Variants in CDK12 observed in about 807,000 individuals in gnomAD.
CDK12 encodes the protein cyclin-dependent kinase 12.
CDK12 carries 17 observed loss-of-function variants against 133.8 expected under a neutral mutation model. The observed-to-expected ratio is 0.13, with a 90% CI of 0.09 to 0.19. CDK12 has a LOEUF of 0.19. CDK12 is among the 10% of genes least tolerant of loss of function. CDK12 has a pLI of 1.00. For synonymous variants in CDK12, 694 were observed against 683.6 expected (o/e 1.02, Z -0.24); for missense variants, 1,508 against 1,818.7 (o/e 0.83, Z 3.11).
intron 2 of CDK12, among the ~76,000 whole-genome samples, chr17:39,483,567 AATC>A (rs2050888387): frequency 6.6e-6 from 1 of 152,034 alleles, no homozygotes; most frequent in Non-Finnish European, 1.5e-5. Flanking sequence ...CCTGGTCTGA[AATC>A]ATGTTTTAAA....
At chr17:39,499,655 G>A (rs1234984724) in intron 5 of CDK12, among the ~76,000 whole-genome samples, 4 of 151,286 alleles carry the variant, frequency 2.6e-5, no homozygotes, top group Admixed American at 1.3e-4. Context: ...AATTATAGGC[G>A]CCTGCTATCA....
intron 1 of CDK12, among the ~76,000 whole-genome samples, chr17:39,539,977 TTTGAG>T (rs2143701282): frequency 6.6e-6 from 1 of 152,234 alleles, no homozygotes; most frequent in African/African-American, 2.4e-5. Context: ...GAATGAGGAA[TTTGAG>T]TTGTTAAGCA....
At chr17:39,530,168 A>G (rs2054740702) in intron 13 of CDK12, 1 of 157,550 alleles carries the variant, frequency 6.3e-6, no homozygotes, top group African/African-American at 2.4e-5. Context: ...AAGTCCATGC[A>G]AGGTCTCTGT....
intron 6 of CDK12, among the ~76,000 whole-genome samples, chr17:39,508,191 G>A (rs1038304853): frequency 2.0e-5 from 3 of 152,048 alleles, no homozygotes; most frequent in East Asian, 1.9e-4. Context: ...TTCAGATTTT[G>A]CTTCAGACGG....
At chr17:39,486,043 C>T (rs950333196) in intron 2 of CDK12, among the ~76,000 whole-genome samples, 1 of 150,906 alleles carries the variant, frequency 6.6e-6, no homozygotes, top group South Asian at 2.1e-4. Flanking sequence ...ACCTCTGCCT[C>T]CTGGGTTGAA....
At chr17:39,493,025 T>G in intron 4 of CDK12, 135 bp downstream of exon 4, 9 of 753,476 alleles carry the variant, frequency 1.2e-5, no homozygotes. Context: ...TGAGATGGAG[T>G]CTTGCTCCCC....
At chr17:39,490,779 C>A (rs371884672) in intron 3 of CDK12, 46 bp downstream of exon 3, 2 of 1,402,002 alleles carry the variant, frequency 1.4e-6, no homozygotes. Context: ...TTTCTCCCTT[C>A]CTTTTGAACT....
At chr17:39,509,868 T>G in intron 7 of CDK12, 107 bp downstream of exon 7, 1 of 822,278 alleles carries the variant, frequency 1.2e-6, no homozygotes, top group South Asian at 1.5e-5. Flanking sequence ...TGGCTTGATC[T>G]CAGCTCGCTG....
At chr17:39,527,077 T>C (rs2054539690) in intron 13 of CDK12, among the ~76,000 whole-genome samples, 1 of 152,220 alleles carries the variant, frequency 6.6e-6, no homozygotes, top group Non-Finnish European at 1.5e-5. Context: ...TCTTTACTTA[T>C]GTAAAAATGT....
At chr17:39,496,748 C>T (rs2145969702) in intron 5 of CDK12, among the ~76,000 whole-genome samples, 1 of 151,972 alleles carries the variant, frequency 6.6e-6, no homozygotes. Context: ...GAGTATCTTT[C>T]TGCATAAATC....
At chr17:39,480,505 G>C (rs187169651) in intron 2 of CDK12, among the ~76,000 whole-genome samples, 2 of 151,838 alleles carry the variant, frequency 1.3e-5, no homozygotes, top group South Asian at 4.2e-4. Flanking sequence ...GCAATGGTGC[G>C]ATCTCAGCTC....
At position 39,533,914 on chromosome 17, in the gene CDK12, C is replaced by T. The variant is rs1189297408; in HGVS notation, c.*2598C>T. Reference sequence around the variant, plus strand: ...GAAGTAAAGGTTTGGCAGAATTTCACCTTGACTATTTGAAAATTACAGACC... The same window carrying T: ...GAAGTAAAGGTTTGGCAGAATTTCATCTTGACTATTTGAAAATTACAGACC... On this transcript the variant is annotated 3_prime_UTR_variant, in exon 14 of 14. Transcript: ENST00000447079. 8.6e-6 allele frequency: 2 copies of T among 231,886 alleles called. No homozygotes were observed. Among genetic ancestry groups the T allele is most frequent in the African/African-American group, 4.4e-5 (2 of 45,246 alleles). The allele number at this position is 231,886 out of a possible 1,614,324, so 14.4% of individuals were successfully genotyped here. A position where few individuals can be genotyped will look rare whatever the true frequency, so the allele number is the denominator to read the frequency against.
intron 2 of CDK12, among the ~76,000 whole-genome samples, chr17:39,481,619 TTGCTCGCTCGCGCG>T (rs1329697992): frequency 1.5e-5 from 2 of 129,524 alleles, no homozygotes; most frequent in African/African-American, 5.7e-5. Context: ...ACTTATGTGC[TTGCTCGCTCGCGCG>T]CTCTCTCTCT....
At chr17:39,463,781 C>G (rs763178569) in intron 1 of CDK12, among the ~76,000 whole-genome samples, 2 of 151,748 alleles carry the variant, frequency 1.3e-5, no homozygotes, top group Non-Finnish European at 2.9e-5. Flanking sequence ...TGACCGCTGA[C>G]AATTTTCAAA....
intron 3 of CDK12, among the ~76,000 whole-genome samples, chr17:39,560,319 G>C (rs2056329002): frequency 6.6e-6 from 1 of 152,160 alleles, no homozygotes; most frequent in Non-Finnish European, 1.5e-5. Flanking sequence ...TATATTACCA[G>C]GTTGCCCATC....
rs757500947 is a variant in CDK12 at position 39,462,162 on chromosome 17, A to G, written c.91A>G (p.Asn31Asp). The change falls in exon 1 of 14, where the codon AAC (asparagine) becomes GAC (aspartate). Residue 31 changes from asparagine to aspartate, a missense_variant. Asn to Asp is a conservative substitution (Grantham distance 23). Transcript: ENST00000447079. ...LQPSSGGGSS[N>D]SRERHRLVSK... ...GCCGTCATCGGGAGGCGGCAGCTCT[A>G]ACAGCAGAGAGCGTCACCGCTTGGT... 73 of 1,614,042 alleles carry G rather than the reference A, an allele frequency of 4.5e-5. 2 individuals are homozygous for G. The East Asian group carries it at 1.5e-3, about 33-fold the overall frequency.
chr17:39,486,473 C>T (rs1019076933), intron 2 of CDK12, among the ~76,000 whole-genome samples: 1 of 151,630 alleles, frequency 6.6e-6, no homozygotes, highest in Non-Finnish European at 1.5e-5. Flanking sequence ...CACTATGTTG[C>T]TCAGGCTGGT....
chr17:39,480,165 C>G (rs561603225), intron 2 of CDK12, among the ~76,000 whole-genome samples: 1 of 152,228 alleles, frequency 6.6e-6, no homozygotes, highest in South Asian at 2.1e-4. Context: ...TTCATGTGAT[C>G]CACTCATCTG....
At chr17:39,494,915 G>A (rs1373774530) in intron 5 of CDK12, among the ~76,000 whole-genome samples, 2 of 151,662 alleles carry the variant, frequency 1.3e-5, no homozygotes, top group African/African-American at 2.4e-5. Flanking sequence ...GACTACAGGC[G>A]CCCGCCACCA....
Sources: allele counts gnomAD v4.1 joint callset (sites outside exome capture counted in the v4.1 genomes callset), GRCh38; gene constraint gnomAD v4.1.1; transcripts MANE v1.5; gene names NCBI Gene and HGNC (gene_info 2026-07-23, HGNC 2026-07-21).